FRY: variants seen among roughly 807,000 people sequenced by gnomAD.
FRY encodes the protein FRY microtubule binding protein.
In FRY, 128 loss-of-function variants were observed where a neutral mutation model predicts 348.4. The observed-to-expected ratio is 0.37, with a 90% CI of 0.32 to 0.43. The LOEUF (loss-of-function observed/expected upper bound fraction) is 0.43, where lower values mean the gene tolerates loss of function less well. Ranked by LOEUF, FRY falls within the 20% of genes least tolerant of loss-of-function variation. FRY has a pLI of 1.00. For synonymous variants in FRY, 1,370 were observed against 1,374.7 expected (o/e 1.00, Z 0.08); for missense variants, 2,736 against 3,695.2 (o/e 0.74, Z 6.73).
At chr13:32,178,106 A>G (rs1882479756) in intron 20 of FRY, 71 bp from the exon 21 acceptor site, 1 of 1,536,084 alleles carries the variant, frequency 6.5e-7, no homozygotes, top group South Asian at 1.1e-5. Context: ...ATGAGTAGTC[A>G]GGCTGAGCCT....
At chr13:32,265,424 A>C in intron 53 of FRY, 26 bp from the exon 54 acceptor site, 2 of 1,612,094 alleles carry the variant, frequency 1.2e-6, no homozygotes, top group Non-Finnish European at 1.7e-6. Flanking sequence ...ACATTGGGGG[A>C]TTCTTTTGTC....
intron 3 of FRY, among the ~76,000 whole-genome samples, chr13:32,102,768 C>A (rs1877248457): frequency 6.6e-6 from 1 of 152,104 alleles, no homozygotes. Flanking sequence ...AACAGGACAT[C>A]CAAGGAGGCT....
intron 58 of FRY, among the ~76,000 whole-genome samples, chr13:32,278,913 T>G (rs767446737): frequency 1.4e-4 from 22 of 152,240 alleles, no homozygotes; most frequent in Non-Finnish European, 2.6e-4. Flanking sequence ...CTCTCAACCT[T>G]TCAGCAGTCA....
intron 7 of FRY, 131 bp downstream of exon 7, chr13:32,125,006 T>C: frequency 1.3e-6 from 1 of 747,424 alleles, no homozygotes; most frequent in Non-Finnish European, 2.4e-6. Flanking sequence ...GTGCCCCATC[T>C]CTGAAACTGA....
intron 14 of FRY, among the ~76,000 whole-genome samples, chr13:32,152,423 A>C (rs1232277958): frequency 6.6e-6 from 1 of 152,190 alleles, no homozygotes; most frequent in Non-Finnish European, 1.5e-5. Flanking sequence ...AGAAGGATGA[A>C]TATAAAAACC....
In FRY at chr13:32,115,538, C is replaced by G. The variant is rs536174673; in HGVS notation, c.325-1796C>G. Among the ~76,000 whole-genome samples the G allele has an allele frequency of 1.4e-3, 207 of 152,304 alleles. 1 individual carries two copies. The highest frequency in any genetic ancestry group is 3.4e-3 in the Middle Eastern group (1 of 294). The stretch of plus-strand genomic sequence containing the variant: ...TTTTCTAGAGAAGAAAAATTTTCAG[C>G]ATTATGTTCCTTCACTCTGGCAAAA... On this transcript the variant is annotated intron_variant, in intron 3 of 60. Coordinates refer to ENST00000542859, the MANE Select transcript of FRY (RefSeq NM_023037.3).
intron 58 of FRY, among the ~76,000 whole-genome samples, chr13:32,279,900 C>A (rs1555275213): frequency 2.0e-5 from 3 of 152,064 alleles, no homozygotes; most frequent in Non-Finnish European, 4.4e-5. Context: ...CTTGGTAAGC[C>A]CCTTGATAAG....
chr13:32,141,303 G>T (rs763752776), intron 11 of FRY, among the ~76,000 whole-genome samples: 1 of 152,028 alleles, frequency 6.6e-6, no homozygotes, highest in Admixed American at 6.6e-5. Flanking sequence ...CATCAAACCC[G>T]GTGAATCATA....
At chr13:32,187,509 G>C in intron 27 of FRY, 37 bp from the exon 28 acceptor site, 1 of 1,253,786 alleles carries the variant, frequency 8.0e-7, no homozygotes, top group Non-Finnish European at 1.2e-6. Context: ...ATCATTCCAA[G>C]TTTCATTTCC....
chr13:32,032,880 C>T (rs1872315151), intron 1 of FRY, among the ~76,000 whole-genome samples: 1 of 152,160 alleles, frequency 6.6e-6, no homozygotes, highest in Non-Finnish European at 1.5e-5. Flanking sequence ...TACCTGTGCT[C>T]AAAGAGCTAG....
At chr13:32,248,028 A>G (rs1385238675) in intron 48 of FRY, among the ~76,000 whole-genome samples, 4 of 152,232 alleles carry the variant, frequency 2.6e-5, no homozygotes, top group Admixed American at 6.5e-5. Flanking sequence ...AGTCAGGAAG[A>G]AAAGAAAGGA....
chr13:32,144,015 A>G (rs775713727), intron 11 of FRY, among the ~76,000 whole-genome samples: 4 of 152,178 alleles, frequency 2.6e-5, no homozygotes, highest in Admixed American at 2.0e-4. Flanking sequence ...CTGTGTGTGG[A>G]GTCTGCTTTT....
chr13:32,177,964 T>G (rs1391990822), intron 20 of FRY, among the ~76,000 whole-genome samples: 2 of 152,222 alleles, frequency 1.3e-5, no homozygotes, highest in Non-Finnish European at 2.9e-5. Flanking sequence ...TCTTAAATTT[T>G]GCACTTAAGC....
chr13:32,166,460 G>A (rs370743696), intron 17 of FRY, among the ~76,000 whole-genome samples: 77 of 152,240 alleles, frequency 5.1e-4, no homozygotes, highest in African/African-American at 1.8e-3. Flanking sequence ...CCAGCTCTAC[G>A]CTACTTTCCT....
At chr13:32,086,205 T>C (rs1875851713) in intron 2 of FRY, among the ~76,000 whole-genome samples, 2 of 152,200 alleles carry the variant, frequency 1.3e-5, no homozygotes, top group South Asian at 4.1e-4. Context: ...AAACCAAGTT[T>C]AGAAAATTTC....
chr13:32,266,990 C>T (rs765444169), intron 54 of FRY, among the ~76,000 whole-genome samples, 180 bp from the exon 55 acceptor site: 2 of 152,130 alleles, frequency 1.3e-5, no homozygotes, highest in African/African-American at 4.8e-5. Flanking sequence ...AACAAACAAA[C>T]AGACCAAAAA....
At chr13:32,137,236 T>C (rs756645) in intron 11 of FRY, among the ~76,000 whole-genome samples, 117,383 of 152,122 alleles carry the variant, frequency 0.77, 45,834 homozygotes, top group East Asian at 0.9. Flanking sequence ...TTAAATGTTC[T>C]TTTATATGCA....
intron 58 of FRY, among the ~76,000 whole-genome samples, chr13:32,280,150 T>G (rs2138616527): frequency 6.6e-6 from 1 of 152,302 alleles, no homozygotes; most frequent in East Asian, 1.9e-4. Context: ...GCTTGACTTA[T>G]CCAAGGCTCC....
At chr13:32,188,290 C>G (rs1018003003) in intron 28 of FRY, among the ~76,000 whole-genome samples, 1 of 152,130 alleles carries the variant, frequency 6.6e-6, no homozygotes, top group African/African-American at 2.4e-5. Flanking sequence ...GTCCTGGAAA[C>G]TTAACCATGT....
Sources: allele counts gnomAD v4.1 joint callset (sites outside exome capture counted in the v4.1 genomes callset), GRCh38; gene constraint gnomAD v4.1.1; transcripts MANE v1.5; gene names NCBI Gene and HGNC (gene_info 2026-07-23, HGNC 2026-07-21).